The following ANKDD1B variants were observed in gnomAD, a reference collection of about 807,000 sequenced individuals.
ANKDD1B encodes the protein ankyrin repeat and death domain-containing protein 1B.
In ANKDD1B, 57 loss-of-function variants were observed where a neutral mutation model predicts 59.7. That is an observed-to-expected ratio of 0.95 (90% confidence interval 0.77 to 1.19). The LOEUF (loss-of-function observed/expected upper bound fraction) is 1.19, where lower values mean the gene tolerates loss of function less well. Among genes scored for constraint, ANKDD1B ranks in the 50% most tolerant of loss-of-function variants. ANKDD1B has a pLI of 0.00. For missense variants in ANKDD1B, 602 were observed against 641.9 expected, an observed-to-expected ratio of 0.94 and a Z score of 0.67; for synonymous variants, 216 against 239.5, an observed-to-expected ratio of 0.90 and a Z score of 0.91.
chr5:75,669,960 C>A (rs967004848), intron 13 of ANKDD1B, among the ~76,000 whole-genome samples: 3 of 152,146 alleles, frequency 2.0e-5, no homozygotes, highest in African/African-American at 4.8e-5. Context: ...CATGTAATAA[C>A]AAGCATTCAA....
intron 12 of ANKDD1B, among the ~76,000 whole-genome samples, chr5:75,668,090 A>G (rs1775359521): frequency 6.6e-6 from 1 of 152,164 alleles, no homozygotes; most frequent in Non-Finnish European, 1.5e-5. Context: ...TGCCTCCTGG[A>G]ACTCTAACTT....
intron 8 of ANKDD1B, among the ~76,000 whole-genome samples, chr5:75,655,205 C>A (rs1322254777): frequency 6.6e-6 from 1 of 152,098 alleles, no homozygotes; most frequent in Non-Finnish European, 1.5e-5. Flanking sequence ...GGGTAAGAAG[C>A]CAGTGGTTGG....
chr5:75,651,416 A>C (rs1044217059), intron 7 of ANKDD1B, among the ~76,000 whole-genome samples: 29 of 152,368 alleles, frequency 1.9e-4, no homozygotes, highest in African/African-American at 6.5e-4. Context: ...GAGTGCCAGG[A>C]GCAGACCATC....
chr5:75,656,298 C>T (rs1172992465), intron 9 of ANKDD1B, among the ~76,000 whole-genome samples, 171 bp downstream of exon 9: 1 of 152,162 alleles, frequency 6.6e-6, no homozygotes, highest in Non-Finnish European at 1.5e-5. Context: ...CATGACCACA[C>T]ACATACTTTC....
intron 12 of ANKDD1B, among the ~76,000 whole-genome samples, chr5:75,667,659 C>T (rs1409600071): frequency 2.0e-5 from 3 of 152,074 alleles, no homozygotes; most frequent in Non-Finnish European, 2.9e-5. Context: ...TGTGGTTAGA[C>T]GAAAACCTAG....
chr5:75,635,104 C>T (rs1021974668), intron 6 of ANKDD1B, 108 bp downstream of exon 6: 1 of 689,380 alleles, frequency 1.5e-6, no homozygotes, highest in Non-Finnish European at 2.4e-6. Flanking sequence ...TTTTAGTCAG[C>T]AGGAGAGTTA....
intron 3 of ANKDD1B, among the ~76,000 whole-genome samples, chr5:75,623,080 GTTTT>G (rs1316937994): frequency 6.6e-6 from 1 of 151,282 alleles, no homozygotes; most frequent in Non-Finnish European, 1.5e-5. Flanking sequence ...ATTTCTGGTG[GTTTT>G]TTTTTCTTTT....
At chr5:75,628,337 C>T (rs1774045252) in intron 5 of ANKDD1B, among the ~76,000 whole-genome samples, 1 of 152,044 alleles carries the variant, frequency 6.6e-6, no homozygotes. Flanking sequence ...CTTAATGCCA[C>T]TGAGCTATAC....
At chr5:75,631,841 C>T (rs1358931706) in intron 5 of ANKDD1B, among the ~76,000 whole-genome samples, 4 of 152,080 alleles carry the variant, frequency 2.6e-5, no homozygotes, top group Admixed American at 1.3e-4. Flanking sequence ...CGCGGTGGCT[C>T]ACACCTGTAA....
chr5:75,633,549 A>T (rs1774222429), intron 5 of ANKDD1B, among the ~76,000 whole-genome samples: 1 of 152,158 alleles, frequency 6.6e-6, no homozygotes, highest in Non-Finnish European at 1.5e-5. Flanking sequence ...CTATTTTTTA[A>T]CATTAAGACA....
chr5:75,636,854 G>C (rs1255768989), intron 7 of ANKDD1B, among the ~76,000 whole-genome samples: 2 of 152,054 alleles, frequency 1.3e-5, no homozygotes, highest in Non-Finnish European at 2.9e-5. Flanking sequence ...GGAGTACAGT[G>C]GGGGAGCAGG....
chr5:75,620,093 G>A (rs576941430), intron 2 of ANKDD1B, among the ~76,000 whole-genome samples: 1 of 152,134 alleles, frequency 6.6e-6, no homozygotes, highest in Non-Finnish European at 1.5e-5. Context: ...ATCTTGCGGC[G>A]TGTCCTTCAG....
intron 5 of ANKDD1B, among the ~76,000 whole-genome samples, chr5:75,626,350 T>C (rs1482869493): frequency 6.6e-6 from 1 of 152,252 alleles, no homozygotes; most frequent in Non-Finnish European, 1.5e-5. Flanking sequence ...AATGCAGTTT[T>C]ACTGCATTTG....
rs1291278214 is a variant in ANKDD1B, at chr5:75,625,915, T to C, written c.560T>C (p.Ile187Thr). Residue 187 changes from isoleucine to threonine, a missense_variant, in exon 5 of 14, where the codon ATT becomes ACT. Transcript: ENST00000601380. ...CATGTGCGCATCGTGGAGTATCTTA[T>C]TCAAGATCTGCACCTCAAGGACCTG... is the stretch of plus-strand genomic sequence containing the variant. ...SNHVRIVEYLIQDLHLKDLNQ... is the reference protein window; with the variant it reads ...SNHVRIVEYLTQDLHLKDLNQ... The C allele has an allele frequency of 1.3e-6, 2 of 1,536,048 alleles. No homozygotes were observed. The highest frequency in any genetic ancestry group is 2.7e-5 in the African/African-American group (2 of 73,038).
chr5:75,625,621 T>C (rs1162445232), intron 3 of ANKDD1B, 26 bp from the exon 4 acceptor site: 1 of 1,525,036 alleles, frequency 6.6e-7, no homozygotes, highest in Non-Finnish European at 8.8e-7. Context: ...AGTGATAGAT[T>C]CTCTTTTTCT....
chr5:75,630,765 C>T (rs1444910095), intron 5 of ANKDD1B, among the ~76,000 whole-genome samples: 2 of 152,204 alleles, frequency 1.3e-5, no homozygotes, highest in African/African-American at 4.8e-5. Flanking sequence ...GAGGGTGTAT[C>T]TTGCCAGCTT....
rs147741569 is a variant in ANKDD1B, at chr5:75,625,832, C to G, written c.496-19C>G. 316 of 1,532,962 alleles carry G rather than the reference C, an allele frequency of 2.1e-4. 2 individuals are homozygous for G. The East Asian group carries it at 7.0e-3, about 34-fold the overall frequency. The allele number at this position is 1,532,962 out of a possible 1,614,324, so 95.0% of individuals were successfully genotyped here. The stretch of plus-strand genomic sequence containing the variant: ...TTCTGAGGTCACTGTCTATCTCCCC[C>G]ACCCCTGGTTCTCTTCAGGATGGAA... On this transcript the variant is annotated intron_variant, in intron 4 of 13. Transcript: ENST00000601380.
intron 7 of ANKDD1B, among the ~76,000 whole-genome samples, chr5:75,641,591 T>A (rs902236579): frequency 1.3e-5 from 2 of 152,240 alleles, no homozygotes; most frequent in African/African-American, 4.8e-5. Context: ...GTATATAATA[T>A]ATGCTGCTCT....
chr5:75,629,292 T>A (rs1487507815), intron 5 of ANKDD1B, among the ~76,000 whole-genome samples: 1 of 151,790 alleles, frequency 6.6e-6, no homozygotes, highest in Non-Finnish European at 1.5e-5. Flanking sequence ...TCATGACACA[T>A]ATTTTTTTAC....
Sources: gnomAD v4.1 joint callset for allele counts (sites outside exome capture counted in the v4.1 genomes callset) on GRCh38, gnomAD v4.1.1 for gene constraint, MANE v1.5 for transcripts, NCBI Gene and HGNC (gene_info 2026-07-23, HGNC 2026-07-21) for gene names.